USH2A: variants seen among roughly 807,000 people sequenced by gnomAD.
USH2A encodes Usher syndrome 2A (autosomal recessive, mild).
Under a neutral mutation model 538.9 loss-of-function variants are expected in USH2A, and 443 were observed. That is an observed-to-expected ratio of 0.82 (90% CI 0.76 to 0.89). USH2A has a LOEUF of 0.89. USH2A is among the 40% of genes least tolerant of loss of function. The pLI is 0.00. For missense variants in USH2A, 6,633 were observed against 6,324.8 expected, an observed-to-expected ratio of 1.05 and a Z score of -1.65; for synonymous variants, 2,413 against 2,273.5, an observed-to-expected ratio of 1.06 and a Z score of -1.75.
chr1:216,329,437 T>C (rs1242027665), intron 4 of USH2A, among the ~76,000 whole-genome samples: 1 of 152,072 alleles, frequency 6.6e-6, no homozygotes, highest in Non-Finnish European at 1.5e-5. Context: ...GTGCCTATGC[T>C]TTTATTTGGG....
chr1:216,231,187 G>C (rs1183362022), intron 14 of USH2A, among the ~76,000 whole-genome samples: 1 of 116,396 alleles, frequency 8.6e-6, no homozygotes, highest in Non-Finnish European at 1.8e-5. Context: ...TAATAAATAT[G>C]CAATAAATTC....
At chr1:215,847,831 G>A (rs890905182) in intron 44 of USH2A, among the ~76,000 whole-genome samples, 1 of 152,034 alleles carries the variant, frequency 6.6e-6, no homozygotes, top group South Asian at 2.1e-4. Context: ...TTACATTAAA[G>A]TCTTGGTGAT....
chr1:215,736,967 C>T (rs1329215021), intron 60 of USH2A, among the ~76,000 whole-genome samples: 2 of 151,942 alleles, frequency 1.3e-5, no homozygotes, highest in Non-Finnish European at 2.9e-5. Context: ...TGACCCAGTA[C>T]TTCTAGTACT....
intron 61 of USH2A, among the ~76,000 whole-genome samples, chr1:215,690,547 C>A (rs1658569386): frequency 6.6e-6 from 1 of 152,092 alleles, no homozygotes; most frequent in African/African-American, 2.4e-5. Flanking sequence ...CATAAGAAGA[C>A]CCTGTCTCTA....
chr1:215,820,106 C>T lies in USH2A; in HGVS notation c.9372-2911G>A, dbSNP rs528550092. ...CTCATGCATAAACATAAACAGATTG[C>T]AAATATTTGAATGAATTTTTTTTGG... is the stretch of plus-strand genomic sequence containing the variant. On this transcript the variant is annotated intron_variant, in intron 47 of 71. Coordinates refer to ENST00000307340, the MANE Select transcript of USH2A (RefSeq NM_206933.4). Among the ~76,000 whole-genome samples, 85 of 151,616 alleles carry T rather than the reference C, an allele frequency of 5.6e-4. 5 individuals carry two copies. In the South Asian group the frequency reaches 0.012, roughly 22 times the overall value.
intron 27 of USH2A, among the ~76,000 whole-genome samples, chr1:216,075,965 A>C (rs867246015): frequency 1.8e-4 from 28 of 152,132 alleles, no homozygotes; most frequent in African/African-American, 6.8e-4. Context: ...GACAATTGAT[A>C]GTGGGTTGAA....
chr1:215,653,809 T>C (rs935561992), intron 64 of USH2A, among the ~76,000 whole-genome samples: 1 of 152,158 alleles, frequency 6.6e-6, no homozygotes, highest in African/African-American at 2.4e-5. Flanking sequence ...TACTAACAGG[T>C]TATGCTTATG....
intron 37 of USH2A, among the ~76,000 whole-genome samples, chr1:215,960,548 C>A (rs1005055912): frequency 2.0e-5 from 3 of 151,956 alleles, no homozygotes; most frequent in Non-Finnish European, 4.4e-5. Flanking sequence ...AGCACTTATT[C>A]CAGGTCAGTA....
intron 37 of USH2A, 145 bp downstream of exon 37, chr1:215,965,172 A>G: frequency 1.1e-6 from 1 of 895,760 alleles, no homozygotes; most frequent in South Asian, 1.8e-5. Flanking sequence ...GTCGGGCAGT[A>G]GCTTATCCGT....
At chr1:215,799,743 TG>T (rs1330264181) in intron 49 of USH2A, among the ~76,000 whole-genome samples, 1 of 152,140 alleles carries the variant, frequency 6.6e-6, no homozygotes, top group African/African-American at 2.4e-5. Flanking sequence ...CCCAACACTT[TG>T]GGAGGCCTAG....
chr1:216,289,468 A>T (rs567209822), intron 10 of USH2A, 58 bp from the exon 11 acceptor site: 76 of 1,610,158 alleles, frequency 4.7e-5, no homozygotes, highest in Admixed American at 6.7e-5. Flanking sequence ...CAGCTGCATA[A>T]TTCAAAATTA....
At position 216,135,002 on chromosome 1, in the gene USH2A, G is replaced by C. The variant is rs376464657; in HGVS notation, c.4628-37789C>G. Among the ~76,000 whole-genome samples the C allele has an allele frequency of 1.2e-4, 19 of 152,054 alleles. No individual in the cohort carries two copies. In the East Asian group the frequency reaches 3.7e-3, roughly 29 times the overall value. On this transcript the variant is annotated intron_variant, in intron 21 of 71. Coordinates refer to ENST00000307340, the MANE Select transcript of USH2A (RefSeq NM_206933.4). ...TCTCAAACTGGCAGATCATAATCTA[G>C]CCATCAGAATAGCTGTAGTTGATTC... is the stretch of plus-strand genomic sequence containing the variant.
At chr1:215,974,559 A>G (rs576210611) in intron 35 of USH2A, among the ~76,000 whole-genome samples, 1 of 152,254 alleles carries the variant, frequency 6.6e-6, no homozygotes, top group African/African-American at 2.4e-5. Context: ...CCCAATGTTT[A>G]GCTCCCACTT....
intron 11 of USH2A, among the ~76,000 whole-genome samples, chr1:216,279,169 C>T (rs1194241612): frequency 1.3e-5 from 2 of 152,112 alleles, no homozygotes; most frequent in African/African-American, 4.8e-5. Context: ...ATCTGCTATT[C>T]TCTCTTTTTA....
intron 32 of USH2A, among the ~76,000 whole-genome samples, chr1:216,041,848 T>TA (rs368311770): frequency 1.2e-4 from 18 of 152,178 alleles, no homozygotes; most frequent in Admixed American, 8.5e-4. Context: ...AAAATAACTT[T>TA]TTTTTTTGTA....
intron 30 of USH2A, among the ~76,000 whole-genome samples, chr1:216,054,082 C>T (rs78695676): frequency 1.3e-5 from 2 of 152,160 alleles, no homozygotes; most frequent in Non-Finnish European, 2.9e-5. Flanking sequence ...AGGGCATAGC[C>T]TTTTACTGCT....
In USH2A at chr1:215,888,898, T is replaced by C; in HGVS notation, c.7751A>G (p.Asn2584Ser). 1 of 1,614,102 alleles carries C rather than the reference T, an allele frequency of 6.2e-7. No individual in the cohort carries two copies. Among genetic ancestry groups the C allele is most frequent in the Non-Finnish European group, 8.5e-7 (1 of 1,180,000 alleles). The change falls in exon 41 of 72, where the codon AAT becomes AGT. Residue 2584 changes from asparagine to serine, a missense_variant. By Grantham distance (46) the Asn-to-Ser change is conservative (BLOSUM62 1). Transcript: ENST00000307340. ...TGGGTGTAAATGCATCACTGTGCAA[T>C]TAGTGACATTTCCAGGAGTTCTCAA... Reference protein sequence around the residue: ...LYLRTPGNVTNCTVMHLHPYT... With the variant: ...LYLRTPGNVTSCTVMHLHPYT...
chr1:215,790,178 G>A lies in USH2A; in HGVS notation c.10063C>T (p.Pro3355Ser), dbSNP rs1486543052. Residue 3355 changes from proline to serine, a missense_variant, in exon 51 of 72, where the codon CCA becomes TCA. Pro to Ser is a moderately conservative substitution (Grantham distance 74). Transcript: ENST00000307340. ...AGTTCAGTCTCACAGCATTTTACTGGCACCGGGTCATTCTTTTTAATATGT... is the reference window on the plus strand; with the variant it reads ...AGTTCAGTCTCACAGCATTTTACTGACACCGGGTCATTCTTTTTAATATGT... ...KAHIKKNDPV[P>S]VKCCETELIP... 1 of 1,613,958 alleles carries A rather than the reference G, an allele frequency of 6.2e-7. No homozygotes were observed. Among genetic ancestry groups the A allele is most frequent in the Non-Finnish European group, 8.5e-7 (1 of 1,179,982 alleles).
At chr1:215,892,334 T>G (rs1233243491) in intron 40 of USH2A, among the ~76,000 whole-genome samples, 1 of 152,180 alleles carries the variant, frequency 6.6e-6, no homozygotes, top group Non-Finnish European at 1.5e-5. Context: ...ATTTTACCAT[T>G]CTAATTAAAG....
Sources: gnomAD v4.1 joint callset for allele counts (sites outside exome capture counted in the v4.1 genomes callset) on GRCh38, gnomAD v4.1.1 for gene constraint, MANE v1.5 for transcripts, NCBI Gene and HGNC (gene_info 2026-07-23, HGNC 2026-07-21) for gene names.